SMIM13: variants seen among roughly 807,000 people sequenced by gnomAD.
SMIM13 encodes the protein UPF0766 protein C6orf228.
A neutral mutation model predicts 5.9 loss-of-function variants in SMIM13; 3 were observed. The observed-to-expected ratio is 0.51, with a 90% CI of 0.23 to 1.31. The LOEUF is 1.31. Among genes scored for constraint, SMIM13 ranks in the 40% most tolerant of loss-of-function variants. The pLI is 0.18. For synonymous variants in SMIM13, 55 were observed against 46.0 expected, an observed-to-expected ratio of 1.19 and a Z score of -0.79; for missense variants, 85 against 109.9, an observed-to-expected ratio of 0.77 and a Z score of 1.01.
rs978300881 is a variant in SMIM13, at chr6:11,137,625, G to C, written c.*3023G>C. The C allele has an allele frequency of 1.3e-5, 2 of 152,112 alleles. No individual in the cohort carries two copies. Among genetic ancestry groups the C allele is most frequent in the African/African-American group, 4.8e-5 (2 of 41,432 alleles). The allele number at this position is 152,112 out of a possible 1,614,324, so 9.4% of individuals were successfully genotyped here. ...AATTCTAAAATTGAGGACTCTGGTA[G>C]GTTGTTTTATTTCCTTCCCAACCAG... On this transcript the variant is annotated 3_prime_UTR_variant, in exon 2 of 2. Coordinates refer to ENST00000416247, the MANE Select transcript of SMIM13 (RefSeq NM_001135575.2).
At chr6:11,115,231 T>C (rs539004727) in intron 1 of SMIM13, among the ~76,000 whole-genome samples, 10 of 152,198 alleles carry the variant, frequency 6.6e-5, no homozygotes, top group African/African-American at 2.2e-4. Context: ...CAAATTCCCA[T>C]AAATTTAGCA....
At chr6:11,101,762 A>G (rs1358858185) in intron 1 of SMIM13, among the ~76,000 whole-genome samples, 1 of 143,886 alleles carries the variant, frequency 6.9e-6, no homozygotes, top group African/African-American at 2.6e-5. Context: ...TTTTTTTGAG[A>G]CAGAGTCTCA....
rs771467916 is a variant in SMIM13 at position 11,134,620 on chromosome 6, A to G, written c.*18A>G. On this transcript the variant is annotated 3_prime_UTR_variant, in exon 2 of 2. Transcript: ENST00000416247. ...TGACATAGTCCTGTACTTGTGAAGG[A>G]TGAAAAGGCAGTTGCCAGCTTCTGT... The G allele has an allele frequency of 1.4e-6, 2 of 1,431,006 alleles. No homozygotes were observed. Among genetic ancestry groups the G allele is most frequent in the East Asian group, 2.6e-5 (1 of 38,596 alleles). 88.6% of individuals were successfully genotyped at this position (1,431,006 alleles called of 1,614,324 possible).
intron 1 of SMIM13, among the ~76,000 whole-genome samples, chr6:11,126,739 A>G (rs114997879): frequency 5.5e-4 from 83 of 152,174 alleles, no homozygotes; most frequent in African/African-American, 1.9e-3. Context: ...GGTCTTCACA[A>G]TCTGGGCTTG....
At chr6:11,094,436 T>C in intron 1 of SMIM13, 47 bp downstream of exon 1, 1 of 1,417,994 alleles carries the variant, frequency 7.1e-7, no homozygotes. Context: ...GCCGGGTCGC[T>C]GATCTGCTGG....
chr6:11,123,741 ATAATTTAC>A (rs1275004556), intron 1 of SMIM13, among the ~76,000 whole-genome samples: 2 of 152,246 alleles, frequency 1.3e-5, no homozygotes, highest in African/African-American at 4.8e-5. Context: ...ATACATACAT[ATAATTTAC>A]CATGATCAAA....
intron 1 of SMIM13, among the ~76,000 whole-genome samples, chr6:11,116,008 C>CTTTTTTTTTTTT (rs35527082): frequency 3.8e-5 from 3 of 78,530 alleles, no homozygotes; most frequent in African/African-American, 1.6e-4. Context: ...CTTCCTTCCT[C>CTTTTTTTTTTTT]TTTTTTTTTT....
At chr6:11,113,988 T>A (rs904036335) in intron 1 of SMIM13, among the ~76,000 whole-genome samples, 17 of 150,624 alleles carry the variant, frequency 1.1e-4, no homozygotes, top group Non-Finnish European at 1.9e-4. Flanking sequence ...TTTTTTTTTT[T>A]AATTTTTTTG....
chr6:11,100,348 C>T (rs535286565), intron 1 of SMIM13, among the ~76,000 whole-genome samples: 20 of 152,328 alleles, frequency 1.3e-4, no homozygotes, highest in Middle Eastern at 3.4e-3. Flanking sequence ...GCATGAGCCA[C>T]GGTGCCTGGC....
At position 11,137,648 on chromosome 6, in the gene SMIM13, C is replaced by T. The variant is rs2113674732; in HGVS notation, c.*3046C>T. 6.6e-6 allele frequency: 1 copy of T among 152,206 alleles called. No individual in the cohort carries two copies. The highest frequency in any genetic ancestry group is 2.1e-4 in the South Asian group (1 of 4,822). The allele number at this position is 152,206 out of a possible 1,614,324, so 9.4% of individuals were successfully genotyped here. On this transcript the variant is annotated 3_prime_UTR_variant, in exon 2 of 2. Coordinates refer to ENST00000416247, the MANE Select transcript of SMIM13 (RefSeq NM_001135575.2). ...TAGGTTGTTTTATTTCCTTCCCAACCAGCCATTCATTTCCAATTGTTCTGC... is the reference window on the plus strand; with the variant it reads ...TAGGTTGTTTTATTTCCTTCCCAACTAGCCATTCATTTCCAATTGTTCTGC...
intron 1 of SMIM13, among the ~76,000 whole-genome samples, chr6:11,123,974 A>G (rs1323689857): frequency 6.6e-6 from 1 of 152,238 alleles, no homozygotes; most frequent in African/African-American, 2.4e-5. Context: ...TGGGGTATTC[A>G]CTACCTCAAG....
chr6:11,103,010 TC>T (rs1758018687), intron 1 of SMIM13: 1 of 152,252 alleles, frequency 6.6e-6, no homozygotes, highest in Admixed American at 6.5e-5. Context: ...TTCCGGGGTT[TC>T]CATTTCTCCT....
intron 1 of SMIM13, among the ~76,000 whole-genome samples, chr6:11,115,092 CA>C (rs2113654956): frequency 6.6e-6 from 1 of 152,290 alleles, no homozygotes; most frequent in Non-Finnish European, 1.5e-5. Context: ...TTTTCTTAAA[CA>C]CCCTTGTCTG....
intron 1 of SMIM13, among the ~76,000 whole-genome samples, chr6:11,117,092 C>G (rs2876214): frequency 0.97 from 140,587 of 145,194 alleles, 68,078 homozygotes; most frequent in East Asian, 1. Flanking sequence ...CCGGGTTCAA[C>G]TGATTCTCCT....
intron 1 of SMIM13, among the ~76,000 whole-genome samples, chr6:11,097,636 CCAGCCTGGGTG>C (rs1341290573): frequency 6.6e-6 from 1 of 151,308 alleles, no homozygotes; most frequent in East Asian, 1.9e-4. Flanking sequence ...CCATAGCACT[CCAGCCTGGGTG>C]ACAAGAGTGA....
At chr6:11,104,320 C>G in intron 1 of SMIM13, 1 of 1,551,672 alleles carries the variant, frequency 6.4e-7, no homozygotes, top group Non-Finnish European at 8.7e-7. Flanking sequence ...GAGAGATTGC[C>G]AGGGGCTATG....
intron 1 of SMIM13, among the ~76,000 whole-genome samples, chr6:11,122,467 T>C (rs1411274071): frequency 6.6e-6 from 1 of 152,220 alleles, no homozygotes; most frequent in Non-Finnish European, 1.5e-5. Context: ...GGAGGACTTT[T>C]TGCAGTGTGG....
chr6:11,134,494 G>C lies in SMIM13; in HGVS notation c.168G>C (p.Glu56Asp), dbSNP rs1758491756. Reference protein sequence around the residue: ...GDTGSQEGDHEPSGSETEEDT... With the variant: ...GDTGSQEGDHDPSGSETEEDT... ...CAGGATCCCAAGAGGGAGATCATGA[G>C]CCTTCAGGGTCTGAAACTGAAGAAG... is the stretch of plus-strand genomic sequence containing the variant. Residue 56 changes from glutamate to aspartate, a missense_variant, in exon 2 of 2, where the codon GAG (glutamate) becomes GAC (aspartate). Physicochemically the swap from Glu to Asp is conservative, Grantham distance 45. Coordinates refer to ENST00000416247, the MANE Select transcript of SMIM13 (RefSeq NM_001135575.2). The C allele has an allele frequency of 6.4e-7, 1 of 1,551,150 alleles. No homozygotes were observed. The highest frequency in any genetic ancestry group is 1.4e-5 in the African/African-American group (1 of 73,012).
chr6:11,097,037 C>T (rs1757934420), intron 1 of SMIM13, among the ~76,000 whole-genome samples: 2 of 152,158 alleles, frequency 1.3e-5, no homozygotes, highest in South Asian at 4.1e-4. Context: ...GCGGTTTCTC[C>T]ATGTTGGTCA....
Sources: gnomAD v4.1 joint callset for allele counts (sites outside exome capture counted in the v4.1 genomes callset) on GRCh38, gnomAD v4.1.1 for gene constraint, MANE v1.5 for transcripts, NCBI Gene and HGNC (gene_info 2026-07-23, HGNC 2026-07-21) for gene names.